The following AGPAT4 variants were observed in gnomAD, a reference collection of about 807,000 sequenced individuals.
AGPAT4 encodes 1-acylglycerol-3-phosphate O-acyltransferase 4.
AGPAT4 carries 15 observed loss-of-function variants against 48.0 expected under a neutral mutation model. That is an observed-to-expected ratio of 0.31 (90% CI 0.21 to 0.48). The LOEUF (loss-of-function observed/expected upper bound fraction) is 0.48. Among genes scored for constraint, AGPAT4 ranks in the 20% least tolerant of loss-of-function variants. AGPAT4 has a pLI of 0.99. For missense variants in AGPAT4, 314 were observed against 482.5 expected, an observed-to-expected ratio of 0.65 and a Z score of 3.27; for synonymous variants, 178 against 198.7, an observed-to-expected ratio of 0.90 and a Z score of 0.88.
Position 161,254,055 on chromosome 6 carries a change from TG to T in AGPAT4, c.-90+19882del, listed in dbSNP as rs1291885349. 6.6e-6 allele frequency among the ~76,000 whole-genome samples: 1 copy of T among 152,234 alleles called. No homozygotes were observed. Among genetic ancestry groups the T allele is most frequent in the African/African-American group, 2.4e-5 (1 of 41,462 alleles). On this transcript the variant is annotated intron_variant, in intron 1 of 8. Coordinates refer to ENST00000320285, the MANE Select transcript of AGPAT4 (RefSeq NM_020133.3). This position sits in a 1 kb window ranked among gnomAD's most constrained non-coding sequence, Gnocchi z 5.9. ...ACAATTCACACTTCAGGTGGATGTT[TG>T]GGGTTAGTGAGATAATAGGAAATAC...
rs763158069 is a variant in AGPAT4 at position 161,208,835 on chromosome 6, G to C, written c.178+23201C>G. ...TTCATAATTTGTAACAATTCAAGCC[G>C]AAGGCCAGGATGAAATGCACAGCTG... On this transcript the variant is annotated intron_variant, in intron 2 of 8. Transcript: ENST00000320285. This position sits in a 1 kb window ranked among gnomAD's most constrained non-coding sequence, Gnocchi z 4.6. Among the ~76,000 whole-genome samples the C allele has an allele frequency of 6.6e-6, 1 of 152,130 alleles. No individual in the cohort carries two copies. Among genetic ancestry groups the C allele is most frequent in the African/African-American group, 2.4e-5 (1 of 41,436 alleles).
rs1039474300 is a variant in AGPAT4, at chr6:161,261,256, C to T, written c.-90+12682G>A. On this transcript the variant is annotated intron_variant, in intron 1 of 8. Transcript: ENST00000320285. The surrounding 1 kb of genome is among the most constrained non-coding windows in gnomAD (Gnocchi z 5.3). ...AGCTCACTGTCACAGAATGTGGCCA[C>T]TTACTGACTGCACGAGTCCATGAGA... Among the ~76,000 whole-genome samples, 1 of 152,174 alleles carries T rather than the reference C, an allele frequency of 6.6e-6. No individual in the cohort carries two copies. Among genetic ancestry groups the T allele is most frequent in the Non-Finnish European group, 1.5e-5 (1 of 68,044 alleles).
Position 161,196,741 on chromosome 6 carries a change from G to A in AGPAT4, c.179-30324C>T, listed in dbSNP as rs890395330. Among the ~76,000 whole-genome samples the A allele has an allele frequency of 6.6e-6, 1 of 151,198 alleles. No homozygotes were observed. The highest frequency in any genetic ancestry group is 2.4e-5 in the African/African-American group (1 of 41,030). On this transcript the variant is annotated intron_variant, in intron 2 of 8. Coordinates refer to ENST00000320285, the MANE Select transcript of AGPAT4 (RefSeq NM_020133.3). The surrounding 1 kb of genome is among the most constrained non-coding windows in gnomAD (Gnocchi z 4.3). The stretch of plus-strand genomic sequence containing the variant: ...GGAGAATCGCTTGAACCTGGGAGGC[G>A]GAGATTGCAGTGAGCCGAGATCGTG...
At position 161,233,055 on chromosome 6, in the gene AGPAT4, C is replaced by T. The variant is rs1192113737; in HGVS notation, c.-89-753G>A. Among the ~76,000 whole-genome samples the T allele has an allele frequency of 5.9e-5, 9 of 151,886 alleles. No homozygotes were observed. The highest frequency in any genetic ancestry group is 1.9e-4 in the East Asian group (1 of 5,158). On this transcript the variant is annotated intron_variant, in intron 1 of 8. Transcript: ENST00000320285. The surrounding 1 kb of genome is among the most constrained non-coding windows in gnomAD (Gnocchi z 5.4). ...AATAACTAGGAAGGTAAGAAAACTA[C>T]CCCCACCACACCCTGGTCACACACA...
chr6:161,199,158 A>G (rs532068448), intron 2 of AGPAT4, among the ~76,000 whole-genome samples: 3 of 152,262 alleles, frequency 2.0e-5, no homozygotes, highest in South Asian at 2.1e-4. Context: ...TAAATAGCAC[A>G]TTGCAACACT....
chr6:161,191,134 G>C (rs1780912399), intron 2 of AGPAT4, among the ~76,000 whole-genome samples: 1 of 152,168 alleles, frequency 6.6e-6, no homozygotes, highest in Non-Finnish European at 1.5e-5. Context: ...GCCACACCTA[G>C]TGACAAATGG....
At position 161,246,011 on chromosome 6, in the gene AGPAT4, A is replaced by T. The variant is rs953753348; in HGVS notation, c.-89-13709T>A. 1.3e-5 allele frequency among the ~76,000 whole-genome samples: 2 copies of T among 152,214 alleles called. No individual in the cohort carries two copies. Among genetic ancestry groups the T allele is most frequent in the African/African-American group, 2.4e-5 (1 of 41,464 alleles). ...GTTGACATGCAGTATCCTTGTTTCTAGATAGCTCTGAAAAATGGCCACAAG... is the reference window on the plus strand; with the variant it reads ...GTTGACATGCAGTATCCTTGTTTCTTGATAGCTCTGAAAAATGGCCACAAG... On this transcript the variant is annotated intron_variant, in intron 1 of 8. Coordinates refer to ENST00000320285, the MANE Select transcript of AGPAT4 (RefSeq NM_020133.3). This position sits in a 1 kb window ranked among gnomAD's most constrained non-coding sequence, Gnocchi z 5.5.
chr6:161,165,445 C>G lies in AGPAT4; in HGVS notation c.348+803G>C. The G allele has an allele frequency of 5.4e-6, 2 of 369,554 alleles. No homozygotes were observed. The highest frequency in any genetic ancestry group is 8.7e-5 in the South Asian group (2 of 23,078). 22.9% of individuals were successfully genotyped at this position (369,554 alleles called of 1,614,324 possible). A position where few individuals can be genotyped will look rare whatever the true frequency, so the allele number is the denominator to read the frequency against. ...CCAAAAAGCAAGGTGATTTCAGCAG[C>G]CCCCGTATCTGTTCTACAGGGCATT... On this transcript the variant is annotated intron_variant, in intron 3 of 8. Coordinates refer to ENST00000320285, the MANE Select transcript of AGPAT4 (RefSeq NM_020133.3). This position sits in a 1 kb window ranked among gnomAD's most constrained non-coding sequence, Gnocchi z 5.5.
Position 161,245,503 on chromosome 6 carries a change from G to A in AGPAT4, c.-89-13201C>T, listed in dbSNP as rs1458789787. Reference sequence around the variant, plus strand: ...CCCTAGAGGGATCGCCAGGAGTAGAGCTCAGAGGAAGCACTCTGCTGCCTC... The same window carrying A: ...CCCTAGAGGGATCGCCAGGAGTAGAACTCAGAGGAAGCACTCTGCTGCCTC... On this transcript the variant is annotated intron_variant, in intron 1 of 8. Coordinates refer to ENST00000320285, the MANE Select transcript of AGPAT4 (RefSeq NM_020133.3). The surrounding 1 kb of genome is among the most constrained non-coding windows in gnomAD (Gnocchi z 5.2). 6.6e-6 allele frequency among the ~76,000 whole-genome samples: 1 copy of A among 152,170 alleles called. No individual in the cohort carries two copies. The highest frequency in any genetic ancestry group is 1.5e-5 in the Non-Finnish European group (1 of 68,020).
At chr6:161,176,985 C>T (rs910004114) in intron 2 of AGPAT4, among the ~76,000 whole-genome samples, 1 of 152,180 alleles carries the variant, frequency 6.6e-6, no homozygotes, top group Non-Finnish European at 1.5e-5. Context: ...TCTCTTCTGG[C>T]GTGTAGAGCT....
chr6:161,221,895 C>A lies in AGPAT4; in HGVS notation c.178+10141G>T, dbSNP rs529138126. Among the ~76,000 whole-genome samples the A allele has an allele frequency of 9.6e-4, 146 of 152,326 alleles. No homozygotes were observed. The highest frequency in any genetic ancestry group is 1.7e-3 in the Non-Finnish European group (117 of 68,018). Reference sequence around the variant, plus strand: ...GTGGGATTAGGGCATACCCTAATGGCCTCATCTTAACTTGATCATCTATGA... The same window carrying A: ...GTGGGATTAGGGCATACCCTAATGGACTCATCTTAACTTGATCATCTATGA... On this transcript the variant is annotated intron_variant, in intron 2 of 8. Coordinates refer to ENST00000320285, the MANE Select transcript of AGPAT4 (RefSeq NM_020133.3). The surrounding 1 kb of genome is among the most constrained non-coding windows in gnomAD (Gnocchi z 4.5).
chr6:161,163,642 C>T (rs962061655), intron 3 of AGPAT4, among the ~76,000 whole-genome samples: 1 of 152,278 alleles, frequency 6.6e-6, no homozygotes, highest in Admixed American at 6.5e-5. Flanking sequence ...ATGTGCCTGC[C>T]CCACTCAGTC....
rs375214263 is a variant in AGPAT4, at chr6:161,207,630, G to C, written c.178+24406C>G. Among the ~76,000 whole-genome samples the C allele has an allele frequency of 1.7e-4, 26 of 152,342 alleles. No individual in the cohort carries two copies. The South Asian group carries it at 2.3e-3, about 13-fold the overall frequency. The stretch of plus-strand genomic sequence containing the variant: ...GAATGGGGACCTGCGGAGGCGGAGA[G>C]AGATGACAGTAAACCACCGCCATAA... On this transcript the variant is annotated intron_variant, in intron 2 of 8. Transcript: ENST00000320285.
In AGPAT4 at chr6:161,180,578, ACC is replaced by A. The variant is rs1214441945; in HGVS notation, c.179-14163_179-14162del. 1.3e-5 allele frequency among the ~76,000 whole-genome samples: 2 copies of A among 152,212 alleles called. No individual in the cohort carries two copies. The highest frequency in any genetic ancestry group is 2.9e-5 in the Non-Finnish European group (2 of 68,036). ...TATGTATAATTATACATTTATAATA[ACC>A]TTTTATCATTTAGCTTTTAACTGAT... On this transcript the variant is annotated intron_variant, in intron 2 of 8. Coordinates refer to ENST00000320285, the MANE Select transcript of AGPAT4 (RefSeq NM_020133.3). The surrounding 1 kb of genome is among the most constrained non-coding windows in gnomAD (Gnocchi z 6.4).
chr6:161,141,168 C>A lies in AGPAT4; in HGVS notation c.844-1548G>T, dbSNP rs540510841. On this transcript the variant is annotated intron_variant, in intron 7 of 8. Coordinates refer to ENST00000320285, the MANE Select transcript of AGPAT4 (RefSeq NM_020133.3). This position sits in a 1 kb window ranked among gnomAD's most constrained non-coding sequence, Gnocchi z 6.7. ...GCCATTTTGGAAGGAGAACCCCCAA[C>A]CCCTTCCCTGGGCAGTTCAGGTGCC... Among the ~76,000 whole-genome samples, 1 of 152,104 alleles carries A rather than the reference C, an allele frequency of 6.6e-6. No homozygotes were observed. The highest frequency in any genetic ancestry group is 2.4e-5 in the African/African-American group (1 of 41,536).
At position 161,169,230 on chromosome 6, in the gene AGPAT4, A is replaced by T. The variant is rs200970443; in HGVS notation, c.179-2813T>A. On this transcript the variant is annotated intron_variant, in intron 2 of 8. Transcript: ENST00000320285. This position sits in a 1 kb window ranked among gnomAD's most constrained non-coding sequence, Gnocchi z 5.0. ...TATAAAAACCACTGGAGCATTTTTAAATAGACACACACCAACATCCAATTT... is the reference window on the plus strand; with the variant it reads ...TATAAAAACCACTGGAGCATTTTTATATAGACACACACCAACATCCAATTT... Among the ~76,000 whole-genome samples the T allele has an allele frequency of 1.2e-4, 18 of 152,284 alleles. No individual in the cohort carries two copies. In the East Asian group the frequency reaches 3.3e-3, roughly 28 times the overall value.
intron 2 of AGPAT4, among the ~76,000 whole-genome samples, chr6:161,170,595 C>T (rs1433382673): frequency 6.6e-6 from 1 of 152,148 alleles, no homozygotes; most frequent in Non-Finnish European, 1.5e-5. Context: ...ATATACTGCA[C>T]ATGACTTACA....
At chr6:161,248,301 G>T (rs186734196) in intron 1 of AGPAT4, among the ~76,000 whole-genome samples, 1 of 152,082 alleles carries the variant, frequency 6.6e-6, no homozygotes, top group Non-Finnish European at 1.5e-5. Context: ...CTGGCTGGGC[G>T]CGGTGGCTCA....
intron 1 of AGPAT4, among the ~76,000 whole-genome samples, chr6:161,258,097 A>C (rs1208682724): frequency 6.6e-6 from 1 of 152,248 alleles, no homozygotes; most frequent in Admixed American, 6.5e-5. Context: ...TGAAAGTTCT[A>C]GTATTTACAC....
Sources: allele counts gnomAD v4.1 joint callset (sites outside exome capture counted in the v4.1 genomes callset), GRCh38; gene constraint gnomAD v4.1.1; non-coding constraint Gnocchi (gnomAD v3.1); transcripts MANE v1.5; gene names NCBI Gene and HGNC (gene_info 2026-07-23, HGNC 2026-07-21).